The following QKI variants were observed in gnomAD, a reference collection of about 807,000 sequenced individuals.
The protein encoded by QKI is QKI, KH domain containing RNA binding, also known as KH domain-containing RNA-binding protein QKI.
In QKI, 10 loss-of-function variants were observed where a neutral mutation model predicts 39.0. The ratio of observed to expected loss-of-function variants is 0.26; its 90% CI spans 0.16 to 0.43. The LOEUF is 0.43. Among genes scored for constraint, QKI ranks in the 20% least tolerant of loss-of-function variants. The pLI is 1.00. For synonymous variants in QKI, 204 were observed against 155.4 expected (o/e 1.31, Z -2.33); for missense variants, 218 against 428.0 (o/e 0.51, Z 4.33).
chr6:163,438,994 C>G (rs747114580), intron 1 of QKI, among the ~76,000 whole-genome samples: 1 of 151,932 alleles, frequency 6.6e-6, no homozygotes, highest in East Asian at 1.9e-4. Context: ...TTTCTGTTTT[C>G]GAACTTTTCT....
intron 3 of QKI, among the ~76,000 whole-genome samples, chr6:163,491,043 A>T (rs1330450531): frequency 7.9e-5 from 12 of 152,072 alleles, no homozygotes; most frequent in Admixed American, 2.6e-4. Flanking sequence ...CTTTTTTGTT[A>T]AGATGTCATG....
chr6:163,422,081 A>G (rs1788038752), intron 1 of QKI, among the ~76,000 whole-genome samples: 1 of 152,268 alleles, frequency 6.6e-6, no homozygotes, highest in East Asian at 1.9e-4. Flanking sequence ...ACTGTTTATT[A>G]CTGTGCTTTA....
chr6:163,521,407 A>G (rs948950818), intron 3 of QKI, among the ~76,000 whole-genome samples: 4 of 152,236 alleles, frequency 2.6e-5, no homozygotes, highest in African/African-American at 9.6e-5. Context: ...TATATAGACT[A>G]TTAACATTGT....
intron 1 of QKI, among the ~76,000 whole-genome samples, chr6:163,453,120 A>C (rs979750939): frequency 2.6e-5 from 4 of 150,984 alleles, no homozygotes; most frequent in African/African-American, 9.7e-5. Context: ...AAGTTTGATA[A>C]ATTTGTTTAT....
intron 3 of QKI, among the ~76,000 whole-genome samples, chr6:163,525,704 A>T (rs1780469127): frequency 1.3e-5 from 2 of 152,170 alleles, no homozygotes; most frequent in South Asian, 4.1e-4. Flanking sequence ...AATAATTGTA[A>T]TCTTGATTAT....
chr6:163,451,318 GGCTTATC>G (rs1212904814), intron 1 of QKI, among the ~76,000 whole-genome samples: 2 of 152,152 alleles, frequency 1.3e-5, no homozygotes, highest in African/African-American at 4.8e-5. Flanking sequence ...AGCTTCAGTT[GGCTTATC>G]CATTGATCAT....
At chr6:163,537,886 ATT>A (rs1464747676) in intron 4 of QKI, among the ~76,000 whole-genome samples, 1 of 152,118 alleles carries the variant, frequency 6.6e-6, no homozygotes, top group Non-Finnish European at 1.5e-5. Flanking sequence ...CTGCTTAAAG[ATT>A]TTTTAGTGGT....
chr6:163,443,944 C>CT (rs1054378733), intron 1 of QKI, among the ~76,000 whole-genome samples: 4 of 152,116 alleles, frequency 2.6e-5, no homozygotes, highest in Admixed American at 2.6e-4. Flanking sequence ...TTTTAAAGCC[C>CT]TAAGGGATTT....
intron 1 of QKI, among the ~76,000 whole-genome samples, chr6:163,430,091 C>T (rs1223739297): frequency 1.3e-5 from 2 of 152,226 alleles, no homozygotes; most frequent in South Asian, 2.1e-4. Context: ...GTTCTAGACA[C>T]AGGGAACGGT....
intron 4 of QKI, among the ~76,000 whole-genome samples, chr6:163,539,859 A>G (rs1781408084): frequency 6.6e-6 from 1 of 152,158 alleles, no homozygotes; most frequent in African/African-American, 2.4e-5. Context: ...ATATTATCAA[A>G]CTTTGATCTT....
intron 3 of QKI, among the ~76,000 whole-genome samples, chr6:163,501,178 C>A (rs1288111581): frequency 6.6e-6 from 1 of 151,732 alleles, no homozygotes. Flanking sequence ...TGAATTAAGG[C>A]GTGTTCTTTG....
rs568639480 is a variant in QKI, at chr6:163,514,999, T to C, written c.403-19983T>C. On this transcript the variant is annotated intron_variant, in intron 3 of 7. Coordinates refer to ENST00000361752, the MANE Select transcript of QKI (RefSeq NM_006775.3). The stretch of plus-strand genomic sequence containing the variant: ...TGTATTTGCAACATCTGTAACAAAA[T>C]GTGTATATTTAGAATTTATTAAAAA... 7.2e-5 allele frequency among the ~76,000 whole-genome samples: 11 copies of C among 152,268 alleles called. No homozygotes were observed. In the South Asian group the frequency reaches 1.0e-3, roughly 14 times the overall value.
chr6:163,533,254 A>G (rs1240151329), intron 3 of QKI, among the ~76,000 whole-genome samples: 2 of 152,176 alleles, frequency 1.3e-5, no homozygotes, highest in Non-Finnish European at 2.9e-5. Flanking sequence ...ACAGTTAGAG[A>G]TATTAATACA....
chr6:163,431,872 G>A (rs930898587), intron 1 of QKI, among the ~76,000 whole-genome samples: 5 of 150,416 alleles, frequency 3.3e-5, no homozygotes, highest in South Asian at 2.1e-4. Flanking sequence ...ATTTTAAAGC[G>A]GGTGTGGATT....
At chr6:163,556,785 A>G (rs1362222408) in intron 4 of QKI, among the ~76,000 whole-genome samples, 1 of 152,122 alleles carries the variant, frequency 6.6e-6, no homozygotes, top group Non-Finnish European at 1.5e-5. Context: ...TATAAATCTG[A>G]AAAACTCTGA....
Position 163,555,509 on chromosome 6 carries a change from C to CAAAA in QKI, c.547-6455_547-6452dup, listed in dbSNP as rs55958646. 1.5e-3 allele frequency among the ~76,000 whole-genome samples: 115 copies of CAAAA among 79,226 alleles called. 1 individual carries two copies. The highest frequency in any genetic ancestry group is 3.1e-3 in the African/African-American group (59 of 18,828). 52.0% of individuals were successfully genotyped at this position (79,226 alleles called of 152,430 possible). Reference sequence around the variant, plus strand: ...CTAGCGACAGAGCGAAACTCCAGCTCAAAAAAAAAAAAAAAAAAAAAGCCT... The same window carrying CAAAA: ...CTAGCGACAGAGCGAAACTCCAGCTCAAAAAAAAAAAAAAAAAAAAAAAAAGCCT... On this transcript the variant is annotated intron_variant, in intron 4 of 7. Coordinates refer to ENST00000361752, the MANE Select transcript of QKI (RefSeq NM_006775.3).
At chr6:163,469,799 A>T (rs1792048366) in intron 2 of QKI, among the ~76,000 whole-genome samples, 1 of 152,028 alleles carries the variant, frequency 6.6e-6, no homozygotes, top group Admixed American at 6.6e-5. Context: ...AAGTAGGAAG[A>T]GCTTATTGGA....
At chr6:163,503,748 T>C (rs1778926620) in intron 3 of QKI, among the ~76,000 whole-genome samples, 1 of 152,026 alleles carries the variant, frequency 6.6e-6, no homozygotes, top group South Asian at 2.1e-4. Context: ...TTTTAAACTG[T>C]TATTTTTTGG....
intron 1 of QKI, among the ~76,000 whole-genome samples, chr6:163,429,483 C>T (rs902343183): frequency 6.6e-6 from 1 of 152,166 alleles, no homozygotes; most frequent in East Asian, 1.9e-4. Context: ...TTCATGCTGT[C>T]GAGGTATATT....
Sources: allele counts gnomAD v4.1 joint callset (sites outside exome capture counted in the v4.1 genomes callset), GRCh38; gene constraint gnomAD v4.1.1; transcripts MANE v1.5; gene names NCBI Gene and HGNC (gene_info 2026-07-23, HGNC 2026-07-21).